The following MED27 variants were observed in gnomAD, a reference collection of about 807,000 sequenced individuals.
The protein encoded by MED27 is mediator complex subunit 27.
Under a neutral mutation model 38.2 loss-of-function variants are expected in MED27, and 30 were observed. The observed-to-expected ratio is 0.79, with a 90% confidence interval of 0.59 to 1.07. The LOEUF (loss-of-function observed/expected upper bound fraction) is 1.07, where lower values mean the gene tolerates loss of function less well. MED27 is among the 50% of genes least tolerant of loss of function. The probability of loss-of-function intolerance (pLI) is 0.00; values close to 1 mark genes in which losing one functional copy is unlikely to be tolerated. For missense variants in MED27, 289 were observed against 397.5 expected, an observed-to-expected ratio of 0.73 and a Z score of 2.32; for synonymous variants, 122 against 153.5, an observed-to-expected ratio of 0.79 and a Z score of 1.52.
intron 3 of MED27, among the ~76,000 whole-genome samples, chr9:131,980,101 A>G (rs911564019): frequency 2.7e-5 from 4 of 150,442 alleles, no homozygotes; most frequent in African/African-American, 9.7e-5. Context: ...AAGGTAATAT[A>G]TGTGTGTGTG....
chr9:132,012,259 T>G (rs989923130), intron 3 of MED27, among the ~76,000 whole-genome samples: 3 of 152,206 alleles, frequency 2.0e-5, no homozygotes, highest in African/African-American at 7.2e-5. Context: ...GAGCTGAAAG[T>G]TGAGATTTGC....
At chr9:132,063,965 C>T (rs1833752285) in intron 2 of MED27, among the ~76,000 whole-genome samples, 1 of 152,218 alleles carries the variant, frequency 6.6e-6, no homozygotes, top group South Asian at 2.1e-4. Context: ...AAGGAAAACG[C>T]ACTTCCGCCT....
chr9:132,044,500 G>A (rs752689615), intron 2 of MED27, among the ~76,000 whole-genome samples: 1 of 152,216 alleles, frequency 6.6e-6, no homozygotes, highest in Non-Finnish European at 1.5e-5. Flanking sequence ...TGTCCTAAGG[G>A]GCAACACGAA....
At chr9:132,000,784 C>T (rs1832212594) in intron 3 of MED27, among the ~76,000 whole-genome samples, 1 of 150,430 alleles carries the variant, frequency 6.6e-6, no homozygotes, top group Non-Finnish European at 1.5e-5. Flanking sequence ...TGGGGTCTCA[C>T]TATGTTGTCC....
chr9:131,971,256 A>C (rs922689116), intron 3 of MED27, among the ~76,000 whole-genome samples: 7 of 152,336 alleles, frequency 4.6e-5, no homozygotes, highest in Non-Finnish European at 5.9e-5. Flanking sequence ...CACCTGACAC[A>C]CTGTGAAGAG....
chr9:131,890,623 T>C (rs1034620726), intron 5 of MED27, among the ~76,000 whole-genome samples: 1 of 152,222 alleles, frequency 6.6e-6, no homozygotes, highest in African/African-American at 2.4e-5. Flanking sequence ...GGCTTTTTCA[T>C]CATCTCCTCC....
At chr9:131,998,307 T>C (rs1352227492) in intron 3 of MED27, among the ~76,000 whole-genome samples, 1 of 151,366 alleles carries the variant, frequency 6.6e-6, no homozygotes, top group Non-Finnish European at 1.5e-5. Flanking sequence ...TCCTCCTCCA[T>C]TGGTCACTTC....
At chr9:131,901,321 T>G (rs1373314747) in intron 4 of MED27, among the ~76,000 whole-genome samples, 1 of 152,224 alleles carries the variant, frequency 6.6e-6, no homozygotes, top group African/African-American at 2.4e-5. Context: ...GGACACTGAT[T>G]CACAGAATCA....
intron 2 of MED27, chr9:132,031,962 C>T (rs758599079): frequency 6.6e-6 from 1 of 152,106 alleles, no homozygotes; most frequent in Admixed American, 6.5e-5. Flanking sequence ...AGATGCCTTC[C>T]CTCCCACACA....
intron 3 of MED27, among the ~76,000 whole-genome samples, chr9:131,956,966 T>C (rs1385672532): frequency 1.3e-5 from 2 of 152,108 alleles, no homozygotes; most frequent in Non-Finnish European, 2.9e-5. Context: ...ACATCAATAA[T>C]CAAAGGAAAA....
At chr9:131,987,714 A>T (rs1196768209) in intron 3 of MED27, among the ~76,000 whole-genome samples, 1 of 152,200 alleles carries the variant, frequency 6.6e-6, no homozygotes, top group African/African-American at 2.4e-5. Context: ...CAATATTTTG[A>T]CGCAATAACA....
chr9:132,062,252 TGTCCAG>T (rs1400332081), intron 2 of MED27, among the ~76,000 whole-genome samples: 1 of 152,268 alleles, frequency 6.6e-6, no homozygotes, highest in Non-Finnish European at 1.5e-5. Flanking sequence ...CCCCAGGCCC[TGTCCAG>T]GTAATCAGTA....
At chr9:132,019,351 G>A (rs1188552109) in intron 2 of MED27, among the ~76,000 whole-genome samples, 1 of 152,202 alleles carries the variant, frequency 6.6e-6, no homozygotes, top group Non-Finnish European at 1.5e-5. Flanking sequence ...ATCTAGAACA[G>A]ACTGCCTCCA....
At chr9:131,983,976 T>C (rs937412954) in intron 3 of MED27, among the ~76,000 whole-genome samples, 1 of 152,180 alleles carries the variant, frequency 6.6e-6, no homozygotes, top group African/African-American at 2.4e-5. Flanking sequence ...AGAGCCACTT[T>C]CTGACCTCTC....
intron 3 of MED27, among the ~76,000 whole-genome samples, chr9:131,987,066 T>C (rs1564313161): frequency 1.4e-5 from 2 of 143,228 alleles, no homozygotes; most frequent in Admixed American, 7.4e-5. Context: ...CTTGGTTCAG[T>C]ATAAAATTAT....
intron 3 of MED27, among the ~76,000 whole-genome samples, chr9:131,974,001 CCG>C (rs1564307584): frequency 6.6e-6 from 1 of 152,186 alleles, no homozygotes; most frequent in African/African-American, 2.4e-5. Context: ...GCGTGAGCCA[CCG>C]TGCCCGGCCT....
At chr9:131,923,718 G>A (rs764195331) in intron 4 of MED27, among the ~76,000 whole-genome samples, 4 of 151,960 alleles carry the variant, frequency 2.6e-5, no homozygotes, top group Non-Finnish European at 5.9e-5. Flanking sequence ...TCTATTCCCC[G>A]CTCCTCACCT....
At chr9:131,953,412 T>C (rs1463951875) in intron 3 of MED27, among the ~76,000 whole-genome samples, 1 of 152,226 alleles carries the variant, frequency 6.6e-6, no homozygotes, top group Non-Finnish European at 1.5e-5. Flanking sequence ...CAAAATGTCA[T>C]ACACATAAAA....
At chr9:132,043,192 C>T (rs959443220) in intron 2 of MED27, among the ~76,000 whole-genome samples, 5 of 151,678 alleles carry the variant, frequency 3.3e-5, no homozygotes, top group Middle Eastern at 3.4e-3. Flanking sequence ...TGTTTCAAAA[C>T]GGAAAGAAAA....
Sources: gnomAD v4.1 joint callset for allele counts (sites outside exome capture counted in the v4.1 genomes callset) on GRCh38, gnomAD v4.1.1 for gene constraint, MANE v1.5 for transcripts, NCBI Gene and HGNC (gene_info 2026-07-23, HGNC 2026-07-21) for gene names.